Variants in FURIN observed in about 807,000 individuals in gnomAD.
FURIN encodes FES upstream region.
Under a neutral mutation model 89.2 loss-of-function variants are expected in FURIN, and 18 were observed. The observed-to-expected ratio is 0.20, with a 90% CI of 0.14 to 0.30. The LOEUF (loss-of-function observed/expected upper bound fraction) is 0.30. Ranked by LOEUF, FURIN falls within the 10% of genes least tolerant of loss-of-function variation. The probability of loss-of-function intolerance (pLI) is 1.00; values close to 1 mark genes in which losing one functional copy is unlikely to be tolerated. For missense variants in FURIN, 879 were observed against 1,100.5 expected, an observed-to-expected ratio of 0.80 and a Z score of 2.85; for synonymous variants, 508 against 466.4, an observed-to-expected ratio of 1.09 and a Z score of -1.15.
chr15:90,873,885 A>G lies in FURIN; in HGVS notation c.-159-1697A>G, dbSNP rs535213188. Among the ~76,000 whole-genome samples the G allele has an allele frequency of 1.1e-4, 17 of 152,316 alleles. 2 individuals carry two copies. The South Asian group carries it at 3.5e-3, about 32-fold the overall frequency. On this transcript the variant is annotated intron_variant, in intron 1 of 15. Transcript: ENST00000268171. ...CAGGAATTGTGTGTGGAGTACCCCC[A>G]GCCTGCAGGGTGGGACTGCAGCAGT... is the stretch of plus-strand genomic sequence containing the variant.
At chr15:90,873,026 C>T (rs1218665888) in intron 1 of FURIN, 1 of 152,258 alleles carries the variant, frequency 6.6e-6, no homozygotes, top group Non-Finnish European at 1.5e-5. Flanking sequence ...CAGCCTGGAA[C>T]AGAGTCCCAT....
intron 1 of FURIN, 89 bp from the exon 2 acceptor site, chr15:90,875,493 A>T (rs60994696): frequency 2.4e-6 from 1 of 411,008 alleles, no homozygotes; most frequent in East Asian, 3.8e-5. Flanking sequence ...TCAGGCCCCA[A>T]TTGAAACTTG....
At chr15:90,875,982 A>C in intron 2 of FURIN, 65 bp downstream of exon 2, 1 of 1,374,042 alleles carries the variant, frequency 7.3e-7, no homozygotes, top group Non-Finnish European at 9.8e-7. Flanking sequence ...TTCTGGGAGC[A>C]GGAGCTGTTG....
Position 90,869,557 on chromosome 15 carries a change from C to T in FURIN, c.-160+846C>T, listed in dbSNP as rs563533803. Among the ~76,000 whole-genome samples, 3 of 152,314 alleles carry T rather than the reference C, an allele frequency of 2.0e-5. No homozygotes were observed. In the East Asian group the frequency reaches 5.8e-4, roughly 29 times the overall value. The stretch of plus-strand genomic sequence containing the variant: ...GAGGTGCTCAACTGCCCAATCCTGT[C>T]CTCATTCCTCCCTCTCAGGGAGGCA... On this transcript the variant is annotated intron_variant, in intron 1 of 15. Transcript: ENST00000268171.
intron 6 of FURIN, 26 bp downstream of exon 6, chr15:90,877,237 T>G: frequency 1.3e-6 from 2 of 1,543,330 alleles, no homozygotes; most frequent in Non-Finnish European, 1.8e-6. Context: ...CCCCGGTCTC[T>G]GCCTCCCTTC....
chr15:90,869,486 C>G (rs1305166636), intron 1 of FURIN, among the ~76,000 whole-genome samples: 1 of 152,204 alleles, frequency 6.6e-6, no homozygotes, highest in Non-Finnish European at 1.5e-5. Context: ...AAAATACAAT[C>G]TCATGTGAAA....
chr15:90,879,173 A>G (rs73489568), intron 9 of FURIN, among the ~76,000 whole-genome samples, 197 bp downstream of exon 9: 1,705 of 152,296 alleles, frequency 0.011, 38 homozygotes, highest in African/African-American at 0.038. Flanking sequence ...TGAAAAGCCT[A>G]GACTCTCTCT....
In FURIN at chr15:90,879,455, C is replaced by A; in HGVS notation, c.1065C>A (p.Asp355Glu). ...NQNEKQIVTT[D>E]LRQKCTESHT... ...TCTCTTCCTGGCAGGTGACGACTGACTTGCGGCAGAAGTGCACGGAGTCTC... is the reference window on the plus strand; with the variant it reads ...TCTCTTCCTGGCAGGTGACGACTGAATTGCGGCAGAAGTGCACGGAGTCTC... Residue 355 changes from aspartate (D) to glutamate (E), a missense_variant, in exon 10 of 16, where the codon GAC (aspartate) becomes GAA (glutamate). This residue lies in a region of FURIN where 156 missense variants were observed against 243.7 expected (regional missense o/e 0.64). Coordinates refer to ENST00000268171, the MANE Select transcript of FURIN (RefSeq NM_002569.4). 1 of 1,612,412 alleles carries A rather than the reference C, an allele frequency of 6.2e-7. No homozygotes were observed. The highest frequency in any genetic ancestry group is 8.5e-7 in the Non-Finnish European group (1 of 1,178,620).
In FURIN at chr15:90,877,186, C is replaced by T. The variant is rs763052854; in HGVS notation, c.553C>T (p.Arg185Trp). 5.0e-6 allele frequency: 8 copies of T among 1,610,948 alleles called. No individual in the cohort carries two copies. The highest frequency in any genetic ancestry group is 1.7e-4 in the Middle Eastern group (1 of 6,058). ...TGACCAGGACCCTGACCCCCAGCCT[C>T]GGTACACACAGATGAATGACAACAG... ...VNDQDPDPQP[R>W]YTQMNDNRHG... The change falls in exon 6 of 16, where the codon CGG (arginine) becomes TGG (tryptophan). Residue 185 changes from arginine to tryptophan, a missense_variant. Physicochemically the swap from Arg to Trp is moderately radical, Grantham distance 101. This residue lies in a region of FURIN where 139 missense variants were observed against 215.0 expected (regional missense o/e 0.65). Coordinates refer to ENST00000268171, the MANE Select transcript of FURIN (RefSeq NM_002569.4).
At position 90,881,449 on chromosome 15, in the gene FURIN, G is replaced by T; in HGVS notation, c.1956G>T (p.Gln652His). 1 of 1,612,460 alleles carries T rather than the reference G, an allele frequency of 6.2e-7. No individual in the cohort carries two copies. Among genetic ancestry groups the T allele is most frequent in the Non-Finnish European group, 8.5e-7 (1 of 1,179,884 alleles). The change falls in exon 16 of 16, where the codon CAG (glutamine) becomes CAT (histidine). Residue 652 changes from glutamine (Q) to histidine (H), a missense_variant. Coordinates refer to ENST00000268171, the MANE Select transcript of FURIN (RefSeq NM_002569.4). The surrounding 1 kb of genome is among the most constrained non-coding windows in gnomAD (Gnocchi z 4.3). ...GCCACGCCTCATGTGCCACATGCCAGGGGCCGGCCCTGACAGACTGCCTCA... is the reference window on the plus strand; with the variant it reads ...GCCACGCCTCATGTGCCACATGCCATGGGCCGGCCCTGACAGACTGCCTCA... ...APCHASCATCQGPALTDCLSC... is the reference protein window; with the variant it reads ...APCHASCATCHGPALTDCLSC...
rs144467393 is a variant in FURIN, at chr15:90,877,009, C to T, written c.486C>T (p.Asp162=). The change falls in exon 5 of 16, where the codon GAC becomes GAT. Residue 162 remains aspartate, a synonymous_variant. Coordinates refer to ENST00000268171, the MANE Select transcript of FURIN (RefSeq NM_002569.4). The part of the protein sequence containing the change: ...LDDGIEKNHP[D]LAGNYDPGAS... ...ATGGCATCGAGAAGAACCACCCGGA[C>T]TTGGCAGGCAATTATGTGAGGAAGT... The T allele has an allele frequency of 6.9e-5, 112 of 1,614,150 alleles. No homozygotes were observed. In the African/African-American group the frequency reaches 1.3e-3, roughly 18 times the overall value.
rs1410694643 is a variant in FURIN, at chr15:90,876,607, A to T, written c.372+50A>T. ...GACCTCCTCCCCAGATGCACCATCC[A>T]CCCACTATGAGCTCTTGGATGGAGG... On this transcript the variant is annotated intron_variant, in intron 4 of 15. Transcript: ENST00000268171. This position sits in a 1 kb window ranked among gnomAD's most constrained non-coding sequence, Gnocchi z 5.0. The T allele has an allele frequency of 8.4e-7, 1 of 1,189,480 alleles. No homozygotes were observed. The highest frequency in any genetic ancestry group is 1.2e-5 in the South Asian group (1 of 81,266). The allele number at this position is 1,189,480 out of a possible 1,614,324, so 73.7% of individuals were successfully genotyped here. A position where few individuals can be genotyped will look rare whatever the true frequency, so the allele number is the denominator to read the frequency against.
In FURIN at chr15:90,878,163, T is replaced by C. The variant is rs753060529; in HGVS notation, c.699T>C (p.Asp233=). The C allele has an allele frequency of 1.2e-6, 2 of 1,613,888 alleles. No individual in the cohort carries two copies. The highest frequency in any genetic ancestry group is 8.5e-7 in the Non-Finnish European group (1 of 1,180,004). Residue 233 remains aspartate (D), a synonymous_variant, in exon 8 of 16, where the codon GAT becomes GAC. Transcript: ENST00000268171. The stretch of plus-strand genomic sequence containing the variant: ...GCATGCTGGATGGCGAGGTGACAGA[T>C]GCAGTGGAGGCACGCTCGCTGGGCC... ...GVRMLDGEVT[D]AVEARSLGLN...
At chr15:90,880,389 T>C (rs1401394710) in intron 13 of FURIN, 116 bp downstream of exon 13, 23 of 852,850 alleles carry the variant, frequency 2.7e-5, no homozygotes, top group Non-Finnish European at 4.1e-5. Flanking sequence ...AGTGGGGCAC[T>C]CTTGGCATTT....
chr15:90,879,616 G>C, intron 10 of FURIN, 55 bp from the exon 11 acceptor site: 1 of 1,561,870 alleles, frequency 6.4e-7, no homozygotes, highest in South Asian at 1.1e-5. Flanking sequence ...TAGGGCAGCT[G>C]GAGAGCTGCT....
Position 90,881,258 on chromosome 15 carries a change from A to G in FURIN, c.1793-28A>G. On this transcript the variant is annotated intron_variant, in intron 15 of 15. Transcript: ENST00000268171. This position sits in a 1 kb window ranked among gnomAD's most constrained non-coding sequence, Gnocchi z 4.3. ...GGGCTACAGTCTGTTTAGCTGACACACACTTGCCCTCTCTCCCACGCCGGC... is the reference window on the plus strand; with the variant it reads ...GGGCTACAGTCTGTTTAGCTGACACGCACTTGCCCTCTCTCCCACGCCGGC... 1 of 1,527,004 alleles carries G rather than the reference A, an allele frequency of 6.5e-7. No homozygotes were observed. The highest frequency in any genetic ancestry group is 2.3e-5 in the East Asian group (1 of 44,150). 94.6% of individuals were successfully genotyped at this position (1,527,004 alleles called of 1,614,324 possible). A position where few individuals can be genotyped will look rare whatever the true frequency, so the allele number is the denominator to read the frequency against.
At chr15:90,877,440 G>T in intron 6 of FURIN, 87 bp from the exon 7 acceptor site, 1 of 1,084,880 alleles carries the variant, frequency 9.2e-7, no homozygotes, top group Non-Finnish European at 1.3e-6. Context: ...TGTCGGATGT[G>T]CGGATCCCTC....
Position 90,881,202 on chromosome 15 carries a change from G to C in FURIN, c.1793-84G>C. ...TGGGGCTGGAGGATCCTGGGGATGT[G>C]GTGACTTGGCTTGGGGCTGCTGTGG... On this transcript the variant is annotated intron_variant, in intron 15 of 15. Coordinates refer to ENST00000268171, the MANE Select transcript of FURIN (RefSeq NM_002569.4). The surrounding 1 kb of genome is among the most constrained non-coding windows in gnomAD (Gnocchi z 4.3). 1 of 1,205,708 alleles carries C rather than the reference G, an allele frequency of 8.3e-7. No homozygotes were observed. The highest frequency in any genetic ancestry group is 1.4e-5 in the South Asian group (1 of 72,766). 74.7% of individuals were successfully genotyped at this position (1,205,708 alleles called of 1,614,324 possible). A position where few individuals can be genotyped will look rare whatever the true frequency, so the allele number is the denominator to read the frequency against.
intron 1 of FURIN, 46 bp downstream of exon 1, chr15:90,868,757 T>C (rs1444693757): frequency 6.6e-6 from 1 of 152,234 alleles, no homozygotes; most frequent in African/African-American, 2.4e-5. Context: ...AAAGGTTTAA[T>C]TATTTTAGGA....
Sources: gnomAD v4.1 joint callset for allele counts (sites outside exome capture counted in the v4.1 genomes callset) on GRCh38, gnomAD v4.1.1 for gene constraint, gnomAD v4.1.1 regional missense constraint, Gnocchi (gnomAD v3.1) non-coding constraint, MANE v1.5 for transcripts, NCBI Gene and HGNC (gene_info 2026-07-23, HGNC 2026-07-21) for gene names.